GRAMD4: variants seen among roughly 807,000 people sequenced by gnomAD.
GRAMD4 encodes GRAM domain containing 4, also known as GRAM domain-containing protein 4.
Under a neutral mutation model 83.9 loss-of-function variants are expected in GRAMD4, and 25 were observed. The ratio of observed to expected loss-of-function variants is 0.30; its 90% CI spans 0.22 to 0.42. GRAMD4 has a LOEUF of 0.42. GRAMD4 is among the 10% of genes least tolerant of loss of function. The pLI is 1.00. For missense variants in GRAMD4, 593 were observed against 788.7 expected (o/e 0.75, Z 2.97); for synonymous variants, 336 against 320.9 (o/e 1.05, Z -0.50).
intron 16 of GRAMD4, 61 bp downstream of exon 16, chr22:46,674,811 G>A: frequency 8.3e-7 from 1 of 1,207,928 alleles, no homozygotes; most frequent in Non-Finnish European, 1.2e-6. Context: ...GGCTGCCTAG[G>A]CCCTGGGATG....
At chr22:46,641,176 G>T (rs138248938) in intron 3 of GRAMD4, among the ~76,000 whole-genome samples, 1 of 152,154 alleles carries the variant, frequency 6.6e-6, no homozygotes, top group Non-Finnish European at 1.5e-5. Flanking sequence ...GGGTTCAAGC[G>T]ATTCTCTGGC....
chr22:46,589,347 G>A (rs1387167767), intron 1 of GRAMD4, among the ~76,000 whole-genome samples: 2 of 135,090 alleles, frequency 1.5e-5, no homozygotes, highest in Admixed American at 7.4e-5. Context: ...GGGCAGCTCT[G>A]ATATGTGGGG....
intron 1 of GRAMD4, chr22:46,577,440 G>C (rs2081053902): frequency 9.4e-6 from 2 of 213,864 alleles, no homozygotes; most frequent in South Asian, 3.8e-4. Flanking sequence ...GCGACCCTCC[G>C]AGCAGGGCCC....
In GRAMD4 at chr22:46,589,197, GC is replaced by G. The variant is rs199715406; in HGVS notation, c.-50+11909del. On this transcript the variant is annotated intron_variant, in intron 1 of 1. Transcript: ENST00000431155. ...TGTCCTTGTCCCTCCAGTCGCTGCT[GC>G]CTTCCCGAAAGCCCTGGAGCCTTGT... is the stretch of plus-strand genomic sequence containing the variant. Among the ~76,000 whole-genome samples, 834 of 151,642 alleles carry G rather than the reference GC, an allele frequency of 5.5e-3. 10 individuals are homozygous for G. Among genetic ancestry groups the G allele is most frequent in the Middle Eastern group, 0.031 (9 of 294 alleles).
At chr22:46,643,196 C>CCTGG (rs373984761) in intron 3 of GRAMD4, among the ~76,000 whole-genome samples, 2 of 115,504 alleles carry the variant, frequency 1.7e-5, no homozygotes, top group Non-Finnish European at 1.9e-5. Flanking sequence ...TCCATCCATC[C>CCTGG]ATCCATCTAT....
At position 46,663,186 on chromosome 22, in the gene GRAMD4, G is replaced by A. The variant is rs1601661955; in HGVS notation, c.599+14G>A. 5.0e-6 allele frequency: 8 copies of A among 1,606,730 alleles called. No individual in the cohort carries two copies. The highest frequency in any genetic ancestry group is 2.2e-5 in the East Asian group (1 of 44,742). On this transcript the variant is annotated intron_variant, in intron 6 of 18. Transcript: ENST00000406902. The stretch of plus-strand genomic sequence containing the variant: ...GAGCGCCCGCAGGTAGGGGTTCGCC[G>A]AGCTGGGGCTGCCTGTGCGTTAGGG...
intron 15 of GRAMD4, among the ~76,000 whole-genome samples, chr22:46,674,349 C>T (rs113712281): frequency 0.033 from 4,986 of 152,228 alleles, 104 homozygotes; most frequent in African/African-American, 0.056. Context: ...GAGGTGGTGT[C>T]CCAGCGCCCT....
In GRAMD4 at chr22:46,679,187, C is replaced by T. The variant is rs1303539892; in HGVS notation, c.*1936C>T. Reference sequence around the variant, plus strand: ...GTGCCCAAGGATGGGTCCGGGGCCTCGGGGCCAATGAGCGCCTCTTCCTAG... The same window carrying T: ...GTGCCCAAGGATGGGTCCGGGGCCTTGGGGCCAATGAGCGCCTCTTCCTAG... On this transcript the variant is annotated 3_prime_UTR_variant, in exon 19 of 19. Transcript: ENST00000406902. 7.4e-5 allele frequency: 73 copies of T among 985,424 alleles called. No individual in the cohort carries two copies. The highest frequency in any genetic ancestry group is 8.4e-5 in the Non-Finnish European group (70 of 829,994). The allele number at this position is 985,424 out of a possible 1,614,324, so 61.0% of individuals were successfully genotyped here. A position where few individuals can be genotyped will look rare whatever the true frequency, so the allele number is the denominator to read the frequency against.
chr22:46,596,310 G>C (rs1028885234), intron 1 of GRAMD4, among the ~76,000 whole-genome samples: 6 of 152,214 alleles, frequency 3.9e-5, no homozygotes, highest in African/African-American at 1.4e-4. Flanking sequence ...TTCCACAGAC[G>C]TAAGTGTGGC....
chr22:46,625,284 G>A (rs1385796003), intron 1 of GRAMD4, among the ~76,000 whole-genome samples: 2 of 152,316 alleles, frequency 1.3e-5, no homozygotes, highest in East Asian at 3.9e-4. Flanking sequence ...GTTCTAGTGC[G>A]TTCTGTGTCT....
intron 3 of GRAMD4, among the ~76,000 whole-genome samples, chr22:46,641,375 A>G (rs1394111792): frequency 7.1e-6 from 1 of 140,962 alleles, no homozygotes; most frequent in Admixed American, 7.5e-5. Flanking sequence ...GTGCGGCCCC[A>G]TCTCTAAATA....
chr22:46,619,974 G>A (rs1209249794), upstream of GRAMD4, among the ~76,000 whole-genome samples: 4 of 152,176 alleles, frequency 2.6e-5, no homozygotes, highest in Non-Finnish European at 5.9e-5. Context: ...AGATAATAAG[G>A]GGATGAAGGG....
At chr22:46,641,636 A>G (rs1041867003) in intron 3 of GRAMD4, among the ~76,000 whole-genome samples, 2 of 152,202 alleles carry the variant, frequency 1.3e-5, no homozygotes, top group Non-Finnish European at 2.9e-5. Flanking sequence ...AACATGGTCC[A>G]TACCCTGTGC....
chr22:46,674,339 G>A (rs1229205487), intron 15 of GRAMD4, among the ~76,000 whole-genome samples: 2 of 152,200 alleles, frequency 1.3e-5, no homozygotes, highest in African/African-American at 2.4e-5. Flanking sequence ...GGTCTTGGTG[G>A]AGGTGGTGTC....
At chr22:46,673,844 C>T (rs376019703) in intron 15 of GRAMD4, 30 bp downstream of exon 15, 19 of 1,610,302 alleles carry the variant, frequency 1.2e-5, no homozygotes, top group South Asian at 9.9e-5. Context: ...GAGGCCAGGC[C>T]GAGCGCCGAC....
At chr22:46,680,656 AC>A (rs1165849807), downstream of GRAMD4, among the ~76,000 whole-genome samples, 260 of 126,530 alleles carry the variant, frequency 2.1e-3, no homozygotes, top group Non-Finnish European at 2.9e-3. Flanking sequence ...CCATCCACCT[AC>A]CCACTCATCC....
rs774772993 is a variant in GRAMD4, at chr22:46,679,627, C to T, written c.*2376C>T. ...TTTTGGATCTGTAAATAATCATTGC[C>T]AGTGTGACTTTTGTTCAACAAAAGG... On this transcript the variant is annotated 3_prime_UTR_variant, in exon 19 of 19. Transcript: ENST00000406902. 408 of 982,546 alleles carry T rather than the reference C, an allele frequency of 4.2e-4. No homozygotes were observed. Among genetic ancestry groups the T allele is most frequent in the Non-Finnish European group, 4.8e-4 (398 of 827,168 alleles). 60.9% of individuals were successfully genotyped at this position (982,546 alleles called of 1,614,324 possible). A position where few individuals can be genotyped will look rare whatever the true frequency, so the allele number is the denominator to read the frequency against.
At chr22:46,648,855 GATGGATGC>G in intron 3 of GRAMD4, among the ~76,000 whole-genome samples, 15 of 141,238 alleles carry the variant, frequency 1.1e-4, no homozygotes, top group African/African-American at 3.3e-4. Context: ...TGCATGGATG[GATGGATGC>G]ATGGATGGAT....
intron 1 of GRAMD4, among the ~76,000 whole-genome samples, chr22:46,579,080 G>A (rs943065116): frequency 5.3e-5 from 8 of 152,236 alleles, no homozygotes; most frequent in African/African-American, 1.9e-4. Context: ...GGGCCTGTCC[G>A]GTGATGTCTG....
Sources: gnomAD v4.1 joint callset for allele counts (sites outside exome capture counted in the v4.1 genomes callset) on GRCh38, gnomAD v4.1.1 for gene constraint, MANE v1.5 for transcripts, NCBI Gene and HGNC (gene_info 2026-07-23, HGNC 2026-07-21) for gene names.